ATP2A1: variants seen among roughly 807,000 people sequenced by gnomAD.
ATP2A1 encodes ATPase sarcoplasmic/endoplasmic reticulum Ca2+ transporting 1, also known as sarcoplasmic/endoplasmic reticulum calcium ATPase 1.
ATP2A1 carries 83 observed loss-of-function variants against 109.5 expected under a neutral mutation model. The observed-to-expected ratio is 0.76, with a 90% confidence interval of 0.63 to 0.91. The LOEUF (loss-of-function observed/expected upper bound fraction) is 0.91. Ranked by LOEUF, ATP2A1 falls within the 40% of genes least tolerant of loss-of-function variation. The probability of loss-of-function intolerance (pLI) is 0.00; values close to 1 mark genes in which losing one functional copy is unlikely to be tolerated. For missense variants in ATP2A1, 1,101 were observed against 1,341.0 expected (o/e 0.82, Z 2.80); for synonymous variants, 505 against 537.6 (o/e 0.94, Z 0.84).
intron 9 of ATP2A1, among the ~76,000 whole-genome samples, chr16:28,891,723 CA>C (rs1239257521): frequency 6.7e-6 from 1 of 150,178 alleles, no homozygotes; most frequent in African/African-American, 2.5e-5. Context: ...ACTAAAAATA[CA>C]AAAAATTAGC....
Position 28,902,519 on chromosome 16 carries a change from C to A in ATP2A1, c.2525-61C>A. On this transcript the variant is annotated intron_variant, in intron 17 of 22. Transcript: ENST00000395503. The surrounding 1 kb of genome is among the most constrained non-coding windows in gnomAD (Gnocchi z 4.8). ...CCTGTCCATGGCCACATGAGGCCCT[C>A]AACCCTCGATGCCCCCTATCTCCCC... 1 of 1,583,396 alleles carries A rather than the reference C, an allele frequency of 6.3e-7. No homozygotes were observed. The highest frequency in any genetic ancestry group is 1.1e-5 in the South Asian group (1 of 88,524).
At chr16:28,893,129 C>G (rs1019002597) in intron 9 of ATP2A1, among the ~76,000 whole-genome samples, 2 of 147,656 alleles carry the variant, frequency 1.4e-5, no homozygotes, top group South Asian at 2.2e-4. Flanking sequence ...GGTGCCTGTA[C>G]TCCCAGCACT....
In ATP2A1 at chr16:28,898,508, C is replaced by T; in HGVS notation, c.1764+57C>T. ...AGCTGGTGAAGGGCCGGGTCCCAGC[C>T]ATCCACTCACAGCTCCACCACCCGG... On this transcript the variant is annotated intron_variant, in intron 14 of 22. Coordinates refer to ENST00000395503, the MANE Select transcript of ATP2A1 (RefSeq NM_004320.6). The surrounding 1 kb of genome is among the most constrained non-coding windows in gnomAD (Gnocchi z 4.0). The T allele has an allele frequency of 1.9e-6, 3 of 1,544,126 alleles. No homozygotes were observed. The highest frequency in any genetic ancestry group is 2.6e-6 in the Non-Finnish European group (3 of 1,133,800).
At chr16:28,890,697 G>GT (rs1008033398) in intron 9 of ATP2A1, among the ~76,000 whole-genome samples, 24 of 150,630 alleles carry the variant, frequency 1.6e-4, no homozygotes, top group Admixed American at 1.2e-3. Flanking sequence ...GTTTTTTTTT[G>GT]TTTTTTGAGA....
In ATP2A1 at chr16:28,902,587, G is replaced by A; in HGVS notation, c.2532G>A (p.Val844=). Reference sequence around the variant, plus strand: ...CCCCTCTCTCCACCACAGGCTATGTGGGTGCAGCCACCGTGGGAGCAGCTG... The same window carrying A: ...CCCCTCTCTCCACCACAGGCTATGTAGGTGCAGCCACCGTGGGAGCAGCTG... ...FFRYMAIGGY[V]GAATVGAAAW... is the part of the protein sequence containing the mutation. The change falls in exon 18 of 23, where the codon GTG becomes GTA. Residue 844 remains valine (V), a synonymous_variant. Transcript: ENST00000395503. The surrounding 1 kb of genome is among the most constrained non-coding windows in gnomAD (Gnocchi z 4.8). The A allele has an allele frequency of 1.2e-6, 2 of 1,614,012 alleles. No individual in the cohort carries two copies. The highest frequency in any genetic ancestry group is 1.7e-6 in the Non-Finnish European group (2 of 1,179,956).
chr16:28,903,222 A>AG lies in ATP2A1; in HGVS notation c.2862+79dup. Reference sequence around the variant, plus strand: ...CGGCGGGCCCATGACCACTCCCACCAGGGGCGCCGATGTGGGAGGCTGGTG... The same window carrying AG: ...CGGCGGGCCCATGACCACTCCCACCAGGGGGCGCCGATGTGGGAGGCTGGTG... On this transcript the variant is annotated intron_variant, in intron 20 of 22. Transcript: ENST00000395503. The surrounding 1 kb of genome is among the most constrained non-coding windows in gnomAD (Gnocchi z 5.6). The AG allele has an allele frequency of 1.9e-6, 3 of 1,583,244 alleles. No individual in the cohort carries two copies. Among genetic ancestry groups the AG allele is most frequent in the African/African-American group, 1.3e-5 (1 of 74,218 alleles).
At chr16:28,884,880 C>T (rs760687005) in intron 6 of ATP2A1, among the ~76,000 whole-genome samples, 33 of 152,200 alleles carry the variant, frequency 2.2e-4, no homozygotes, top group Admixed American at 7.9e-4. Context: ...TACAGGAGGT[C>T]AAGGCAGCAG....
At chr16:28,878,958 C>G (rs1029921515) in intron 1 of ATP2A1, 141 bp from the exon 2 acceptor site, 62 of 1,368,820 alleles carry the variant, frequency 4.5e-5, no homozygotes, top group South Asian at 4.2e-4. Flanking sequence ...GTCCCGAGAT[C>G]CAGAGTTTTG....
chr16:28,900,496 CCCCAT>C, intron 14 of ATP2A1, 80 bp from the exon 15 acceptor site: 1 of 934,760 alleles, frequency 1.1e-6, no homozygotes, highest in Non-Finnish European at 1.5e-6. Context: ...TGACCTTTCA[CCCCAT>C]CCCCACCCCC....
chr16:28,879,183 C>T (rs1963375110), intron 2 of ATP2A1, 67 bp downstream of exon 2: 7 of 1,550,412 alleles, frequency 4.5e-6, no homozygotes, highest in South Asian at 4.5e-5. Flanking sequence ...CCCACTCCCT[C>T]CTCCCTGCCT....
rs1249578896 is a variant in ATP2A1 at position 28,903,842 on chromosome 16, C to T, written c.*37+101C>T. The T allele has an allele frequency of 1.7e-6, 2 of 1,164,840 alleles. No individual in the cohort carries two copies. Among genetic ancestry groups the T allele is most frequent in the Admixed American group, 1.7e-5 (1 of 58,872 alleles). 72.2% of individuals were successfully genotyped at this position (1,164,840 alleles called of 1,614,324 possible). Reference sequence around the variant, plus strand: ...CATCCAAGGTCACTTGTGCTCGCAGCTCCACCTGGAGCCGTTGCCACTGCT... The same window carrying T: ...CATCCAAGGTCACTTGTGCTCGCAGTTCCACCTGGAGCCGTTGCCACTGCT... On this transcript the variant is annotated intron_variant, in intron 22 of 22. Transcript: ENST00000395503. The surrounding 1 kb of genome is among the most constrained non-coding windows in gnomAD (Gnocchi z 5.6).
At chr16:28,895,680 A>T (rs1596679348) in intron 12 of ATP2A1, among the ~76,000 whole-genome samples, 1 of 151,850 alleles carries the variant, frequency 6.6e-6, no homozygotes, top group South Asian at 2.1e-4. Flanking sequence ...AAACGAAAAC[A>T]AAAACAAAGA....
chr16:28,903,938 G>C lies in ATP2A1; in HGVS notation c.*37+197G>C, dbSNP rs569096613. Reference sequence around the variant, plus strand: ...CGTCAGTTTGGCTCCCAGGCCCTGGGCAGTGCCAGCCTCTGGGCCCGTCTG... The same window carrying C: ...CGTCAGTTTGGCTCCCAGGCCCTGGCCAGTGCCAGCCTCTGGGCCCGTCTG... On this transcript the variant is annotated intron_variant, in intron 22 of 22. Coordinates refer to ENST00000395503, the MANE Select transcript of ATP2A1 (RefSeq NM_004320.6). This position sits in a 1 kb window ranked among gnomAD's most constrained non-coding sequence, Gnocchi z 5.6. The C allele has an allele frequency of 4.9e-5, 36 of 736,100 alleles. 1 individual carries two copies. The Middle Eastern group carries it at 1.5e-3, about 30-fold the overall frequency. 45.6% of individuals were successfully genotyped at this position (736,100 alleles called of 1,614,324 possible). A position where few individuals can be genotyped will look rare whatever the true frequency, so the allele number is the denominator to read the frequency against.
At chr16:28,900,559 G>A in intron 14 of ATP2A1, 22 bp from the exon 15 acceptor site, 7 of 1,539,578 alleles carry the variant, frequency 4.5e-6, no homozygotes, top group Non-Finnish European at 6.1e-6. Flanking sequence ...CTGACCTGTG[G>A]CTCTCTGCTG....
intron 6 of ATP2A1, among the ~76,000 whole-genome samples, 172 bp downstream of exon 6, chr16:28,884,827 A>T (rs1963575719): frequency 6.6e-6 from 1 of 152,200 alleles, no homozygotes. Flanking sequence ...GAGTGCCTGT[A>T]GTCCTGACTA....
chr16:28,879,828 C>G (rs1359843828), intron 3 of ATP2A1: 6 of 631,650 alleles, frequency 9.5e-6, no homozygotes, highest in South Asian at 7.9e-5. Flanking sequence ...CTAAGCCACC[C>G]TCGCGGCTTC....
intron 8 of ATP2A1, among the ~76,000 whole-genome samples, chr16:28,888,020 C>G (rs1963664884): frequency 6.6e-6 from 1 of 152,116 alleles, no homozygotes; most frequent in South Asian, 2.1e-4. Context: ...CCAGGATGGT[C>G]TCGATCTCCT....
At chr16:28,899,982 C>CT (rs1964024272) in intron 14 of ATP2A1, among the ~76,000 whole-genome samples, 1 of 132,036 alleles carries the variant, frequency 7.6e-6, no homozygotes, top group East Asian at 2.2e-4. Context: ...AAAACAAAAA[C>CT]AAAAACAAAA....
At position 28,903,397 on chromosome 16, in the gene ATP2A1, G is replaced by A; in HGVS notation, c.2937G>A (p.Gly979=). Reference sequence around the variant, plus strand: ...TCAAGATCTCACTGCCAGTCATTGGGCTCGACGAAATCCTCAAGTTCGTTG... The same window carrying A: ...TCAAGATCTCACTGCCAGTCATTGGACTCGACGAAATCCTCAAGTTCGTTG... ...MVLKISLPVI[G]LDEILKFVAR... is the part of the protein sequence containing the mutation. The change falls in exon 21 of 23, where the codon GGG becomes GGA. Residue 979 remains glycine (G), a synonymous_variant. Transcript: ENST00000395503. This position sits in a 1 kb window ranked among gnomAD's most constrained non-coding sequence, Gnocchi z 5.6. 2 of 1,614,032 alleles carry A rather than the reference G, an allele frequency of 1.2e-6. No homozygotes were observed. The highest frequency in any genetic ancestry group is 1.7e-6 in the Non-Finnish European group (2 of 1,179,962).
Sources: allele counts gnomAD v4.1 joint callset (sites outside exome capture counted in the v4.1 genomes callset), GRCh38; gene constraint gnomAD v4.1.1; non-coding constraint Gnocchi (gnomAD v3.1); transcripts MANE v1.5; gene names NCBI Gene and HGNC (gene_info 2026-07-23, HGNC 2026-07-21).